The following ADCY10 variants were observed in gnomAD, a reference collection of about 807,000 sequenced individuals.
ADCY10 encodes the protein adenylate cyclase 10, also known as adenylate cyclase type 10.
ADCY10 carries 156 observed loss-of-function variants against 183.3 expected under a neutral mutation model. The ratio of observed to expected loss-of-function variants is 0.85; its 90% CI spans 0.75 to 0.97. ADCY10 has a LOEUF of 0.97. Ranked by LOEUF, ADCY10 falls within the 50% of genes least tolerant of loss-of-function variation. The pLI is 0.00. For missense variants in ADCY10, 1,745 were observed against 1,934.3 expected (o/e 0.90, Z 1.84); for synonymous variants, 645 against 670.0 (o/e 0.96, Z 0.58).
intron 30 of ADCY10, 30 bp downstream of exon 30, chr1:167,821,994 G>GAAAT: frequency 1.4e-6 from 2 of 1,403,240 alleles, no homozygotes; most frequent in Non-Finnish European, 2.0e-6. Context: ...TTTCACTTTG[G>GAAAT]GAATTTAGTG....
chr1:167,904,657 G>A (rs1669693886), intron 2 of ADCY10: 2 of 587,302 alleles, frequency 3.4e-6, no homozygotes, highest in Admixed American at 3.0e-5. Context: ...CATCTAGGGA[G>A]ATCATTTCCT....
At chr1:167,909,605 T>C (rs1440798925) in intron 1 of ADCY10, among the ~76,000 whole-genome samples, 1 of 152,192 alleles carries the variant, frequency 6.6e-6, no homozygotes, top group African/African-American at 2.4e-5. Flanking sequence ...TATTATTTTA[T>C]GTGTGGCCCA....
chr1:167,870,638 CAAAAAA>C (rs58787930), intron 13 of ADCY10, among the ~76,000 whole-genome samples: 1 of 93,782 alleles, frequency 1.1e-5, no homozygotes, highest in Non-Finnish European at 2.0e-5. Flanking sequence ...ACTGAAAATA[CAAAAAA>C]AAAAAAAAAA....
chr1:167,865,496 A>C (rs1221130866), intron 14 of ADCY10, among the ~76,000 whole-genome samples: 1 of 152,250 alleles, frequency 6.6e-6, no homozygotes, highest in Non-Finnish European at 1.5e-5. Context: ...TATGTCTATG[A>C]GGTTTTATTA....
At chr1:167,841,771 A>G (rs565999799) in intron 21 of ADCY10, among the ~76,000 whole-genome samples, 24 of 152,146 alleles carry the variant, frequency 1.6e-4, no homozygotes, top group Admixed American at 3.3e-4. Context: ...CTGCACCCAG[A>G]TATTTACTTC....
chr1:167,912,254 G>A (rs1015884096), intron 1 of ADCY10, among the ~76,000 whole-genome samples: 13 of 152,286 alleles, frequency 8.5e-5, no homozygotes, highest in South Asian at 8.3e-4. Context: ...ATTTTTTAAA[G>A]CATCTCCAGA....
At chr1:167,837,163 T>A in intron 22 of ADCY10, 86 bp downstream of exon 22, 1 of 1,291,390 alleles carries the variant, frequency 7.7e-7, no homozygotes, top group Non-Finnish European at 1.1e-6. Context: ...TCAAAAGTAC[T>A]GGCCAGACAA....
rs748172959 is a variant in ADCY10, at chr1:167,878,569, T to C, written c.1283A>G (p.Asp428Gly). The C allele has an allele frequency of 1.3e-5, 21 of 1,613,920 alleles. No homozygotes were observed. Among genetic ancestry groups the C allele is most frequent in the South Asian group, 1.1e-5 (1 of 91,070 alleles). Reference protein sequence around the residue: ...MMYYPGIVTCDSVTYNGSNLP... With the variant: ...MMYYPGIVTCGSVTYNGSNLP... ...GTTGCTCCCATTGTAGGTGACAGAG[T>C]CGCAGGTCACAATTCCTGGGTAGTA... is the stretch of plus-strand genomic sequence containing the variant. The change falls in exon 12 of 33, where the codon GAC becomes GGC. Residue 428 changes from aspartate (D) to glycine (G), a missense_variant. Physicochemically the swap from Asp to Gly is moderately conservative, Grantham distance 94 (BLOSUM62 -1). Coordinates refer to ENST00000367851, the MANE Select transcript of ADCY10 (RefSeq NM_018417.6).
intron 1 of ADCY10, among the ~76,000 whole-genome samples, chr1:167,911,704 T>G (rs1416162923): frequency 6.6e-6 from 1 of 152,226 alleles, no homozygotes. Context: ...CTGCAGGAAG[T>G]AAAAATGCCC....
chr1:167,824,365 C>A (rs919507957), intron 28 of ADCY10, 111 bp downstream of exon 28: 1 of 897,722 alleles, frequency 1.1e-6, no homozygotes. Context: ...CATTTTCTTA[C>A]TGCAAACTCT....
intron 8 of ADCY10, among the ~76,000 whole-genome samples, chr1:167,886,408 T>C (rs1668227089): frequency 6.6e-6 from 1 of 152,090 alleles, no homozygotes. Context: ...TCTACAACCA[T>C]CTGATCTTTG....
chr1:167,852,805 C>T (rs1665595953), intron 18 of ADCY10, among the ~76,000 whole-genome samples: 2 of 152,066 alleles, frequency 1.3e-5, no homozygotes, highest in African/African-American at 4.8e-5. Flanking sequence ...GAGCTTTGCC[C>T]TGTTCTCTCA....
chr1:167,845,370 G>T, intron 21 of ADCY10, 193 bp downstream of exon 21: 1 of 623,710 alleles, frequency 1.6e-6, no homozygotes, highest in East Asian at 2.8e-5. Flanking sequence ...AGATTGGTTC[G>T]CTAGACTCAA....
chr1:167,816,746 G>C (rs1050544840), intron 31 of ADCY10, among the ~76,000 whole-genome samples: 1 of 151,870 alleles, frequency 6.6e-6, no homozygotes, highest in African/African-American at 2.4e-5. Context: ...ACAAAATAAA[G>C]ACTTCTCAAA....
At chr1:167,872,031 T>A (rs1376637908) in intron 13 of ADCY10, among the ~76,000 whole-genome samples, 2 of 151,768 alleles carry the variant, frequency 1.3e-5, no homozygotes, top group Non-Finnish European at 2.9e-5. Flanking sequence ...TAATAAAAAA[T>A]AAATAAATAA....
chr1:167,904,860 A>G (rs1365403210), intron 2 of ADCY10, 133 bp downstream of exon 2: 4 of 1,162,532 alleles, frequency 3.4e-6, no homozygotes, highest in Non-Finnish European at 5.1e-6. Flanking sequence ...TTGTGTTCTC[A>G]GTGGAGCACA....
rs1480473106 is a variant in ADCY10, at chr1:167,809,502, A to C, written c.*176T>G. The C allele has an allele frequency of 2.9e-6, 2 of 695,058 alleles. No individual in the cohort carries two copies. Among genetic ancestry groups the C allele is most frequent in the Admixed American group, 2.9e-5 (1 of 34,930 alleles). 43.1% of individuals were successfully genotyped at this position (695,058 alleles called of 1,614,324 possible). ...TTGTAACATTAGGAAGAAGTAAACCATGACACTCCTGACCCTTGTAGGCCC... is the reference window on the plus strand; with the variant it reads ...TTGTAACATTAGGAAGAAGTAAACCCTGACACTCCTGACCCTTGTAGGCCC... On this transcript the variant is annotated 3_prime_UTR_variant, in exon 33 of 33. Coordinates refer to ENST00000367851, the MANE Select transcript of ADCY10 (RefSeq NM_018417.6).
At position 167,855,089 on chromosome 1, in the gene ADCY10, G is replaced by A. The variant is rs183759155; in HGVS notation, c.2172-600C>T. Among the ~76,000 whole-genome samples, 731 of 152,326 alleles carry A rather than the reference G, an allele frequency of 4.8e-3. 13 individuals are homozygous for A. Among genetic ancestry groups the A allele is most frequent in the Non-Finnish European group, 3.8e-3 (261 of 68,022 alleles). ...TAATCCCAGCACTTTGGGAGGCCGA[G>A]GAGGGCGGAGCATCTGAGCTCAGGA... On this transcript the variant is annotated intron_variant, in intron 17 of 32. Coordinates refer to ENST00000367851, the MANE Select transcript of ADCY10 (RefSeq NM_018417.6).
At chr1:167,860,087 A>G (rs919609226) in intron 15 of ADCY10, among the ~76,000 whole-genome samples, 194 bp from the exon 16 acceptor site, 3 of 152,102 alleles carry the variant, frequency 2.0e-5, no homozygotes, top group African/African-American at 7.2e-5. Context: ...GGCAGAGGGG[A>G]TGATTTTAGG....
Sources: gnomAD v4.1 joint callset for allele counts (sites outside exome capture counted in the v4.1 genomes callset) on GRCh38, gnomAD v4.1.1 for gene constraint, MANE v1.5 for transcripts, NCBI Gene and HGNC (gene_info 2026-07-23, HGNC 2026-07-21) for gene names.